Variants in IGFL2 observed in about 807,000 individuals in gnomAD.
IGFL2 encodes IGF like family member 2, also known as insulin growth factor-like family member 2.
In IGFL2, 7 loss-of-function variants were observed where a neutral mutation model predicts 13.9. That is an observed-to-expected ratio of 0.51 (90% CI 0.29 to 0.95). The LOEUF (loss-of-function observed/expected upper bound fraction) is 0.95. Among genes scored for constraint, IGFL2 ranks in the 40% least tolerant of loss-of-function variants. IGFL2 has a pLI of 0.08. For synonymous variants in IGFL2, 55 were observed against 55.8 expected (o/e 0.99, Z 0.07); for missense variants, 138 against 147.8 (o/e 0.93, Z 0.34).
At chr19:46,113,443 C>A in the IGFL2 span, 1 of 389,610 alleles carries the variant, frequency 2.6e-6, no homozygotes. Flanking sequence ...ATGGAATCCA[C>A]GTAGATATCC....
the IGFL2 span, among the ~76,000 whole-genome samples, chr19:46,099,449 C>G: frequency 0.1 from 15,740 of 151,616 alleles, 1,101 homozygotes; most frequent in African/African-American, 0.19. Flanking sequence ...CCATCTCTTT[C>G]ATGTACTCCT....
At chr19:46,160,304 T>C in intron 1 of IGFL2, 111 bp from the exon 2 acceptor site, 2 of 914,632 alleles carry the variant, frequency 2.2e-6, no homozygotes, top group Non-Finnish European at 3.5e-6. Context: ...AACCCAAGCC[T>C]TTAGAGCTAA....
the IGFL2 span, among the ~76,000 whole-genome samples, chr19:46,183,375 C>T: frequency 2.0e-5 from 3 of 151,964 alleles, no homozygotes; most frequent in East Asian, 3.9e-4. Flanking sequence ...TTTCCATTCT[C>T]TCTCCCTCTT....
intron 1 of IGFL2, among the ~76,000 whole-genome samples, chr19:46,152,451 AT>A (rs1157614595): frequency 6.6e-6 from 1 of 151,584 alleles, no homozygotes. Context: ...TAATTTTTTT[AT>A]GTTTTTATTT....
the IGFL2 span, among the ~76,000 whole-genome samples, chr19:46,172,086 A>G: frequency 6.6e-6 from 1 of 152,152 alleles, no homozygotes; most frequent in Non-Finnish European, 1.5e-5. Flanking sequence ...CTTGGCAGGA[A>G]GTGTTCTTGC....
At chr19:46,086,859 A>G in the IGFL2 span, among the ~76,000 whole-genome samples, 1 of 152,060 alleles carries the variant, frequency 6.6e-6, no homozygotes, top group Non-Finnish European at 1.5e-5. Flanking sequence ...TACATGCAGT[A>G]GTGTAGTCTC....
At chr19:46,085,231 A>G in the IGFL2 span, among the ~76,000 whole-genome samples, 2 of 152,230 alleles carry the variant, frequency 1.3e-5, no homozygotes, top group Non-Finnish European at 2.9e-5. Context: ...AGCTCAAAAA[A>G]AAAGGAAAAC....
chr19:46,123,068 A>T, the IGFL2 span, among the ~76,000 whole-genome samples: 1 of 151,102 alleles, frequency 6.6e-6, no homozygotes, highest in African/African-American at 2.5e-5. Context: ...AATTCTAAAG[A>T]TTGGTATACC....
the IGFL2 span, among the ~76,000 whole-genome samples, chr19:46,095,452 A>G: frequency 6.6e-6 from 1 of 152,176 alleles, no homozygotes; most frequent in Non-Finnish European, 1.5e-5. Flanking sequence ...ATAGATTGCA[A>G]AAACATTCTC....
chr19:46,189,874 A>C, the IGFL2 span: 1 of 152,130 alleles, frequency 6.6e-6, no homozygotes, highest in African/African-American at 2.4e-5. Context: ...TCTTTATTAT[A>C]CTGGAACAGC....
the IGFL2 span, among the ~76,000 whole-genome samples, chr19:46,173,246 C>G: frequency 6.6e-6 from 1 of 152,150 alleles, no homozygotes; most frequent in Non-Finnish European, 1.5e-5. Context: ...AAGTGGGAAC[C>G]ACGTTTTCCA....
chr19:46,130,957 C>T, the IGFL2 span, among the ~76,000 whole-genome samples: 85 of 152,192 alleles, frequency 5.6e-4, no homozygotes, highest in Middle Eastern at 6.8e-3. Flanking sequence ...TTACCACTGC[C>T]CTACATCTTC....
the IGFL2 span, among the ~76,000 whole-genome samples, chr19:46,079,908 A>G: frequency 1.3e-5 from 2 of 152,166 alleles, no homozygotes; most frequent in South Asian, 2.1e-4. Flanking sequence ...GAAGAACCCT[A>G]TTGCTCCCTG....
At chr19:46,155,938 C>T (rs1271497963) in intron 1 of IGFL2, among the ~76,000 whole-genome samples, 1 of 152,050 alleles carries the variant, frequency 6.6e-6, no homozygotes, top group Non-Finnish European at 1.5e-5. Flanking sequence ...TTAGTTTCTT[C>T]AATATTGTAT....
At chr19:46,214,738 C>T in the IGFL2 span, 2 of 152,276 alleles carry the variant, frequency 1.3e-5, no homozygotes, top group African/African-American at 4.8e-5. Flanking sequence ...CTCCATGAGC[C>T]GTCCAGGGCC....
the IGFL2 span, chr19:46,113,618 A>T: frequency 3.7e-6 from 1 of 267,992 alleles, no homozygotes; most frequent in Admixed American, 4.1e-5. Flanking sequence ...ACTGATGTCT[A>T]TAGAGAGCTT....
At chr19:46,147,864 A>G (rs1437409553), upstream of IGFL2, 1 of 168,634 alleles carries the variant, frequency 5.9e-6, no homozygotes, top group East Asian at 1.6e-4. Flanking sequence ...ACCCCTTGAA[A>G]CTTCAGGGTG....
chr19:46,137,631 C>T, the IGFL2 span: 1 of 806,638 alleles, frequency 1.2e-6, no homozygotes, highest in Non-Finnish European at 2.1e-6. Context: ...GGAGCAGGAC[C>T]CTGCGTGACC....
At chr19:46,168,584 A>G in the IGFL2 span, among the ~76,000 whole-genome samples, 3 of 152,186 alleles carry the variant, frequency 2.0e-5, no homozygotes, top group Non-Finnish European at 4.4e-5. Flanking sequence ...ACTTAATAAT[A>G]TGTAGCCAGT....
Sources: gnomAD v4.1 joint callset for allele counts (sites outside exome capture counted in the v4.1 genomes callset) on GRCh38, gnomAD v4.1.1 for gene constraint, MANE v1.5 for transcripts, NCBI Gene and HGNC (gene_info 2026-07-23, HGNC 2026-07-21) for gene names.